The following MEI1 variants were observed in gnomAD, a reference collection of about 807,000 sequenced individuals.
The protein encoded by MEI1 is meiosis inhibitor protein 1.
In MEI1, 103 loss-of-function variants were observed where a neutral mutation model predicts 146.2. The ratio of observed to expected loss-of-function variants is 0.70; its 90% confidence interval spans 0.60 to 0.83. The LOEUF is 0.83. MEI1 is among the 40% of genes least tolerant of loss of function. The probability of loss-of-function intolerance (pLI) is 0.00; values close to 1 mark genes in which losing one functional copy is unlikely to be tolerated. For synonymous variants in MEI1, 652 were observed against 628.2 expected (o/e 1.04, Z -0.57); for missense variants, 1,529 against 1,533.0 (o/e 1.00, Z 0.04).
chr22:41,746,146 G>C (rs747515464), intron 14 of MEI1, 120 bp downstream of exon 14: 53 of 862,370 alleles, frequency 6.1e-5, no homozygotes, highest in Non-Finnish European at 7.6e-5. Flanking sequence ...GGCCTCAGCA[G>C]TGCAATTCTT....
chr22:41,773,019 A>C (rs2075269474), intron 20 of MEI1, among the ~76,000 whole-genome samples: 1 of 152,234 alleles, frequency 6.6e-6, no homozygotes, highest in African/African-American at 2.4e-5. Context: ...CTAACTTCAC[A>C]GGATGTAAAT....
At position 41,758,527 on chromosome 22, in the gene MEI1, A is replaced by G; in HGVS notation, c.2114A>G (p.Glu705Gly). The change falls in exon 18 of 31, where the codon GAA becomes GGA. Residue 705 changes from glutamate (E) to glycine (G), a missense_variant. Transcript: ENST00000401548. ...LLLFYLAYIH[E>G]DRFVSEAELF... ...CTCTTCTACTTGGCCTACATCCATG[A>G]AGACAGGTCAGTGCACAGAGGTGGG... is the stretch of plus-strand genomic sequence containing the variant. The G allele has an allele frequency of 6.2e-7, 1 of 1,612,328 alleles. No individual in the cohort carries two copies. The highest frequency in any genetic ancestry group is 8.5e-7 in the Non-Finnish European group (1 of 1,178,956).
chr22:41,711,748 T>G (rs964471296), intron 3 of MEI1, among the ~76,000 whole-genome samples: 1 of 152,066 alleles, frequency 6.6e-6, no homozygotes, highest in Non-Finnish European at 1.5e-5. Flanking sequence ...ACCAAATCTC[T>G]CCTCAAAGCC....
chr22:41,716,142 G>A lies in MEI1; in HGVS notation c.525G>A (p.Glu175=). 1 of 1,604,052 alleles carries A rather than the reference G, an allele frequency of 6.2e-7. No homozygotes were observed. The highest frequency in any genetic ancestry group is 2.2e-5 in the East Asian group (1 of 44,596). The change falls in exon 5 of 31, where the codon GAG becomes GAA. Residue 175 remains glutamate (E), a synonymous_variant. Coordinates refer to ENST00000401548, the MANE Select transcript of MEI1 (RefSeq NM_152513.4). ...CTCTGGCAGACGAGCTTGTAATGGA[G>A]CATGGTGAGTGACCTGTGGGAGGAG... is the stretch of plus-strand genomic sequence containing the variant. The part of the protein sequence containing the change: ...IPALADELVM[E]HGNLMEHLLR...
In MEI1 at chr22:41,743,210, C is replaced by G. The variant is rs1301383086; in HGVS notation, c.1446+16C>G. Reference sequence around the variant, plus strand: ...GAGGCCCCTGGTCAGTGTACTGCAGCCTGCTGCTTCCGAAGATCATGCTGC... The same window carrying G: ...GAGGCCCCTGGTCAGTGTACTGCAGGCTGCTGCTTCCGAAGATCATGCTGC... On this transcript the variant is annotated intron_variant, in intron 12 of 30. Transcript: ENST00000401548. 1 of 1,557,016 alleles carries G rather than the reference C, an allele frequency of 6.4e-7. No homozygotes were observed. Among genetic ancestry groups the G allele is most frequent in the South Asian group, 1.1e-5 (1 of 89,696 alleles).
chr22:41,734,595 A>AAAAC (rs893176074), intron 11 of MEI1, among the ~76,000 whole-genome samples: 3 of 152,212 alleles, frequency 2.0e-5, no homozygotes, highest in African/African-American at 4.8e-5. Context: ...CTCCATCTCA[A>AAAAC]AAACAAACAA....
chr22:41,717,689 C>T lies in MEI1; in HGVS notation c.530-382C>T, dbSNP rs2070340354. The stretch of plus-strand genomic sequence containing the variant: ...GGAGTGTGGTGGCATGATCTCGGCT[C>T]ACTGCAACCTCTGCCTCGTGGGTTT... On this transcript the variant is annotated intron_variant, in intron 5 of 30. Transcript: ENST00000401548. 3.3e-5 allele frequency among the ~76,000 whole-genome samples: 5 copies of T among 149,730 alleles called. No individual in the cohort carries two copies. In the South Asian group the frequency reaches 1.0e-3, roughly 31 times the overall value.
chr22:41,716,315 T>G (rs1690653905), intron 5 of MEI1, among the ~76,000 whole-genome samples, 169 bp downstream of exon 5: 1 of 150,982 alleles, frequency 6.6e-6, no homozygotes, highest in Non-Finnish European at 1.5e-5. Flanking sequence ...TTGAAAAAGG[T>G]CAGTTTTTTG....
intron 12 of MEI1, among the ~76,000 whole-genome samples, chr22:41,743,789 G>C (rs1460129716): frequency 3.3e-5 from 5 of 152,164 alleles, no homozygotes; most frequent in African/African-American, 1.2e-4. Context: ...ATGCCCACTA[G>C]CCTGTGACAG....
intron 30 of MEI1, among the ~76,000 whole-genome samples, chr22:41,796,132 T>A (rs1164136288): frequency 1.3e-5 from 2 of 152,168 alleles, no homozygotes; most frequent in Admixed American, 1.3e-4. Context: ...CGTGTCCTGT[T>A]AATATTAAGT....
chr22:41,770,662 C>A (rs750060621), intron 19 of MEI1, 24 bp from the exon 20 acceptor site: 1 of 1,607,422 alleles, frequency 6.2e-7, no homozygotes, highest in Admixed American at 1.7e-5. Context: ...GTGTATTTAC[C>A]TCCTTTCTTT....
intron 4 of MEI1, 45 bp from the exon 5 acceptor site, chr22:41,715,989 AAGATCTG>A (rs2070110239): frequency 7.6e-7 from 1 of 1,316,958 alleles, no homozygotes. Context: ...GTTTTGGTGG[AAGATCTG>A]TCCTGATCCT....
At chr22:41,732,927 T>TGTAC (rs982646574) in intron 11 of MEI1, among the ~76,000 whole-genome samples, 6 of 151,968 alleles carry the variant, frequency 3.9e-5, no homozygotes, top group African/African-American at 1.4e-4. Context: ...ATTACAGGTG[T>TGTAC]GTACCACCAT....
intron 26 of MEI1, among the ~76,000 whole-genome samples, chr22:41,790,631 C>T (rs1207601163): frequency 6.6e-6 from 1 of 150,896 alleles, no homozygotes; most frequent in African/African-American, 2.4e-5. Flanking sequence ...CTCACTCTGT[C>T]ACCCAGGCTG....
chr22:41,763,077 G>A, intron 18 of MEI1, 97 bp from the exon 19 acceptor site: 1 of 1,389,670 alleles, frequency 7.2e-7, no homozygotes, highest in Non-Finnish European at 9.9e-7. Context: ...TATTGGGGCA[G>A]GACAGTGGGC....
intron 26 of MEI1, among the ~76,000 whole-genome samples, chr22:41,788,139 C>T (rs55906059): frequency 0.069 from 10,472 of 150,846 alleles, 523 homozygotes; most frequent in Non-Finnish European, 0.1. Context: ...AAGTGATTCT[C>T]CTGCCTCAGC....
At chr22:41,762,872 C>T (rs1234377372) in intron 18 of MEI1, among the ~76,000 whole-genome samples, 1 of 152,112 alleles carries the variant, frequency 6.6e-6, no homozygotes, top group Non-Finnish European at 1.5e-5. Context: ...CTTCTGAACC[C>T]CAGCAGTAGC....
intron 14 of MEI1, 69 bp downstream of exon 14, chr22:41,746,095 C>G (rs761533571): frequency 6.8e-7 from 1 of 1,463,888 alleles, no homozygotes; most frequent in Non-Finnish European, 9.2e-7. Context: ...GAGCCAGGCT[C>G]AGAGGCATAA....
intron 11 of MEI1, among the ~76,000 whole-genome samples, chr22:41,740,382 G>C (rs1382182877): frequency 6.6e-6 from 1 of 152,016 alleles, no homozygotes; most frequent in Non-Finnish European, 1.5e-5. Flanking sequence ...CTCTGAGGTG[G>C]GGTGGTTCAG....
Sources: allele counts gnomAD v4.1 joint callset (sites outside exome capture counted in the v4.1 genomes callset), GRCh38; gene constraint gnomAD v4.1.1; transcripts MANE v1.5; gene names NCBI Gene and HGNC (gene_info 2026-07-23, HGNC 2026-07-21).